Variants in CDC6 observed in about 807,000 individuals in gnomAD.
The protein encoded by CDC6 is DNA replication factor CDC6.
Under a neutral mutation model 60.2 loss-of-function variants are expected in CDC6, and 46 were observed. The ratio of observed to expected loss-of-function variants is 0.76; its 90% CI spans 0.60 to 0.98. CDC6 has a LOEUF of 0.98. CDC6 is among the 50% of genes least tolerant of loss of function. The pLI, the probability that CDC6 is intolerant of heterozygous loss-of-function variation, is 0.00. For missense variants in CDC6, 596 were observed against 652.9 expected, an observed-to-expected ratio of 0.91 and a Z score of 0.95; for synonymous variants, 210 against 233.2, an observed-to-expected ratio of 0.90 and a Z score of 0.90.
intron 10 of CDC6, among the ~76,000 whole-genome samples, chr17:40,301,257 C>G (rs760240903): frequency 6.6e-5 from 10 of 152,164 alleles, no homozygotes; most frequent in African/African-American, 1.2e-4. Flanking sequence ...TTCTGCATCT[C>G]TCTAGGAAAT....
In CDC6 at chr17:40,296,768, G is replaced by A. The variant is rs1330745127; in HGVS notation, c.1249+1G>A. The A allele has an allele frequency of 2.5e-6, 4 of 1,581,826 alleles. No individual in the cohort carries two copies. The highest frequency in any genetic ancestry group is 1.3e-5 in the African/African-American group (1 of 74,274). On this transcript the variant is annotated splice_donor_variant, in intron 9 of 11. Transcript: ENST00000209728. LOFTEE classifies it high-confidence loss of function. The stretch of plus-strand genomic sequence containing the variant: ...ACTATTCTCAAACCACTGTCTGAAT[G>A]TAAGTAGTTTATCTCCTTCCTGTCT...
At chr17:40,296,887 T>TC in intron 9 of CDC6, 120 bp downstream of exon 9, 2 of 781,742 alleles carry the variant, frequency 2.6e-6, no homozygotes. Context: ...TTTATGTGTG[T>TC]CTGTGTTTTT....
At position 40,289,492 on chromosome 17, in the gene CDC6, C is replaced by T. The variant is rs1376608310; in HGVS notation, c.72C>T (p.Asn24=). The part of the protein sequence containing the change: ...FPKRKLSRAL[N]KAKNSSDAKL... ...AAAGGAAGCTGTCTCGGGCATTGAACAAAGCTAAAAACTCCAGTGATGCCA... is the reference window on the plus strand; with the variant it reads ...AAAGGAAGCTGTCTCGGGCATTGAATAAAGCTAAAAACTCCAGTGATGCCA... The change falls in exon 2 of 12, where the codon AAC becomes AAT. Residue 24 remains asparagine, a synonymous_variant. Coordinates refer to ENST00000209728, the MANE Select transcript of CDC6 (RefSeq NM_001254.4). 2 of 1,613,764 alleles carry T rather than the reference C, an allele frequency of 1.2e-6. No homozygotes were observed. Among genetic ancestry groups the T allele is most frequent in the African/African-American group, 2.7e-5 (2 of 74,824 alleles).
chr17:40,301,787 GA>G, intron 11 of CDC6, 124 bp from the exon 12 acceptor site: 10 of 938,756 alleles, frequency 1.1e-5, no homozygotes, highest in Non-Finnish European at 1.7e-5. Context: ...CAAGCCATTG[GA>G]AAAAAAAGTG....
At chr17:40,297,707 G>T (rs536269656) in intron 9 of CDC6, among the ~76,000 whole-genome samples, 13 of 152,306 alleles carry the variant, frequency 8.5e-5, no homozygotes, top group African/African-American at 3.1e-4. Context: ...GGCAGAAGTT[G>T]CAGTGAGCCG....
chr17:40,301,794 A>C (rs1209289719), intron 11 of CDC6, 118 bp from the exon 12 acceptor site: 1 of 946,304 alleles, frequency 1.1e-6, no homozygotes, highest in Non-Finnish European at 1.7e-6. Flanking sequence ...TTGGAAAAAA[A>C]AGTGTTTAAC....
intron 9 of CDC6, among the ~76,000 whole-genome samples, 173 bp downstream of exon 9, chr17:40,296,940 T>G (rs1042814166): frequency 6.6e-6 from 1 of 152,202 alleles, no homozygotes; most frequent in African/African-American, 2.4e-5. Flanking sequence ...CTGCCAGTAC[T>G]ATAGTTCGTG....
chr17:40,301,379 G>C (rs965391218), intron 10 of CDC6, 89 bp from the exon 11 acceptor site: 10 of 1,326,084 alleles, frequency 7.5e-6, no homozygotes, highest in Non-Finnish European at 8.7e-6. Context: ...ATAAGTTTTT[G>C]CAAACCCAGA....
Position 40,304,238 on chromosome 17 carries a change from A to G in CDC6, c.*2237A>G, listed in dbSNP as rs925214984. The G allele has an allele frequency of 6.6e-6, 1 of 152,228 alleles. No homozygotes were observed. 9.4% of individuals were successfully genotyped at this position (152,228 alleles called of 1,614,324 possible). A position where few individuals can be genotyped will look rare whatever the true frequency, so the allele number is the denominator to read the frequency against. Reference sequence around the variant, plus strand: ...AGTTGGAACAGGGTTGGTTCTGTCAATGATGCATGAAGCAGACTTAGTGTC... The same window carrying G: ...AGTTGGAACAGGGTTGGTTCTGTCAGTGATGCATGAAGCAGACTTAGTGTC... On this transcript the variant is annotated 3_prime_UTR_variant, in exon 12 of 12. Transcript: ENST00000209728.
Position 40,303,718 on chromosome 17 carries a change from A to G in CDC6, c.*1717A>G, listed in dbSNP as rs1195872084. 2 of 152,288 alleles carry G rather than the reference A, an allele frequency of 1.3e-5. No homozygotes were observed. The highest frequency in any genetic ancestry group is 1.9e-4 in the East Asian group (1 of 5,208). 9.4% of individuals were successfully genotyped at this position (152,288 alleles called of 1,614,324 possible). ...AGAAGGTTGGAAAGTGTCTGGGACTATAAGGGTTAACATGCATAATTGCAA... is the reference window on the plus strand; with the variant it reads ...AGAAGGTTGGAAAGTGTCTGGGACTGTAAGGGTTAACATGCATAATTGCAA... On this transcript the variant is annotated 3_prime_UTR_variant, in exon 12 of 12. Coordinates refer to ENST00000209728, the MANE Select transcript of CDC6 (RefSeq NM_001254.4).
At position 40,291,492 on chromosome 17, in the gene CDC6, C is replaced by T. The variant is rs1469606304; in HGVS notation, c.484C>T (p.Leu162=). 1 of 1,614,216 alleles carries T rather than the reference C, an allele frequency of 6.2e-7. No homozygotes were observed. The highest frequency in any genetic ancestry group is 8.5e-7 in the Non-Finnish European group (1 of 1,180,036). The change falls in exon 4 of 12, where the codon CTG becomes TTG. Residue 162 remains leucine (L), a synonymous_variant. Coordinates refer to ENST00000209728, the MANE Select transcript of CDC6 (RefSeq NM_001254.4). ...AGGCACTTGCTACCAGCAAGCAAAG[C>T]TGGTCCTGAACACAGCTGTCCCAGA... ...QEGTCYQQAK[L]VLNTAVPDRL... is the part of the protein sequence containing the mutation.
rs1248136282 is a variant in CDC6, at chr17:40,295,640, CATT to C, written c.1184+187_1184+189del. 8.2e-6 allele frequency: 5 copies of C among 606,436 alleles called. No homozygotes were observed. In the Admixed American group the frequency reaches 8.3e-5, roughly 10 times the overall value. 37.6% of individuals were successfully genotyped at this position (606,436 alleles called of 1,614,324 possible). On this transcript the variant is annotated intron_variant, in intron 8 of 11. Coordinates refer to ENST00000209728, the MANE Select transcript of CDC6 (RefSeq NM_001254.4). ...ATTTCCACCGTGTTAATGTCTGAAA[CATT>C]ATCAGTCCATTACCTACAGAGGGAG...
rs1251479110 is a variant in CDC6, at chr17:40,304,213, A to C, written c.*2212A>C. 6.6e-6 allele frequency: 1 copy of C among 152,220 alleles called. No homozygotes were observed. Among genetic ancestry groups the C allele is most frequent in the East Asian group, 1.9e-4 (1 of 5,208 alleles). 9.4% of individuals were successfully genotyped at this position (152,220 alleles called of 1,614,324 possible). On this transcript the variant is annotated 3_prime_UTR_variant, in exon 12 of 12. Transcript: ENST00000209728. ...TCATTGCTGCTCTTAAGACTTTAGC[A>C]GTTGGAACAGGGTTGGTTCTGTCAA...
At chr17:40,299,942 C>T (rs929702820) in intron 9 of CDC6, among the ~76,000 whole-genome samples, 31 of 152,078 alleles carry the variant, frequency 2.0e-4, no homozygotes, top group African/African-American at 7.0e-4. Context: ...CCAAAATATT[C>T]GGTAATTTTC....
In CDC6 at chr17:40,302,085, G is replaced by A. The variant is rs938053501; in HGVS notation, c.*84G>A. On this transcript the variant is annotated 3_prime_UTR_variant, in exon 12 of 12. Coordinates refer to ENST00000209728, the MANE Select transcript of CDC6 (RefSeq NM_001254.4). Reference sequence around the variant, plus strand: ...TCATTTTAGTGCTTTACACATTCGGGCCTGAAAACAAATATGACCTTTTTT... The same window carrying A: ...TCATTTTAGTGCTTTACACATTCGGACCTGAAAACAAATATGACCTTTTTT... 15 of 835,028 alleles carry A rather than the reference G, an allele frequency of 1.8e-5. No individual in the cohort carries two copies. Among genetic ancestry groups the A allele is most frequent in the Non-Finnish European group, 2.7e-5 (13 of 473,934 alleles). The allele number at this position is 835,028 out of a possible 1,614,324, so 51.7% of individuals were successfully genotyped here.
At chr17:40,290,076 C>T (rs572444405) in intron 2 of CDC6, among the ~76,000 whole-genome samples, 53 of 152,106 alleles carry the variant, frequency 3.5e-4, no homozygotes, top group Admixed American at 1.4e-3. Context: ...AAGTGCTTAC[C>T]GAACTCCAGA....
At position 40,293,512 on chromosome 17, in the gene CDC6, C is replaced by T; in HGVS notation, c.717C>T (p.Ala239=). 1.2e-6 allele frequency: 2 copies of T among 1,613,800 alleles called. No individual in the cohort carries two copies. Among genetic ancestry groups the T allele is most frequent in the Non-Finnish European group, 1.7e-6 (2 of 1,179,746 alleles). The change falls in exon 5 of 12, where the codon GCC becomes GCT. Residue 239 remains alanine, a synonymous_variant. Coordinates refer to ENST00000209728, the MANE Select transcript of CDC6 (RefSeq NM_001254.4). The part of the protein sequence containing the change: ...IMLNCMSLRT[A]QAVFPAIAQE... ...TGAATTGCATGTCCTTGAGGACTGC[C>T]CAGGCTGTATTCCCAGCTATTGCTC...
At chr17:40,301,796 G>C (rs1019760766) in intron 11 of CDC6, 116 bp from the exon 12 acceptor site, 7 of 913,518 alleles carry the variant, frequency 7.7e-6, no homozygotes, top group Non-Finnish European at 1.2e-5. Flanking sequence ...GGAAAAAAAA[G>C]TGTTTAACTT....
rs2143123568 is a variant in CDC6 at position 40,304,542 on chromosome 17, C to G, written c.*2541C>G. ...CTTTTGAAGGTGATGGAGTGTGTGTCTATATCCTGGTTTATCTCTCTCCCC... is the reference window on the plus strand; with the variant it reads ...CTTTTGAAGGTGATGGAGTGTGTGTGTATATCCTGGTTTATCTCTCTCCCC... On this transcript the variant is annotated 3_prime_UTR_variant, in exon 12 of 12. Coordinates refer to ENST00000209728, the MANE Select transcript of CDC6 (RefSeq NM_001254.4). 6.6e-6 allele frequency: 1 copy of G among 152,332 alleles called. No individual in the cohort carries two copies. Among genetic ancestry groups the G allele is most frequent in the East Asian group, 1.9e-4 (1 of 5,172 alleles). 9.4% of individuals were successfully genotyped at this position (152,332 alleles called of 1,614,324 possible).
Sources: allele counts gnomAD v4.1 joint callset (sites outside exome capture counted in the v4.1 genomes callset), GRCh38; gene constraint gnomAD v4.1.1; transcripts MANE v1.5; gene names NCBI Gene and HGNC (gene_info 2026-07-23, HGNC 2026-07-21).